The following UBE2G1 variants were observed in gnomAD, a reference collection of about 807,000 sequenced individuals.
The protein encoded by UBE2G1 is ubiquitin-conjugating enzyme E2 G1.
Under a neutral mutation model 22.7 loss-of-function variants are expected in UBE2G1, and 5 were observed. The observed-to-expected ratio is 0.22, with a 90% CI of 0.12 to 0.46. The LOEUF is 0.46. UBE2G1 is among the 20% of genes least tolerant of loss of function. The pLI, the probability that UBE2G1 is intolerant of heterozygous loss-of-function variation, is 0.99. For synonymous variants in UBE2G1, 74 were observed against 67.5 expected (o/e 1.10, Z -0.47); for missense variants, 88 against 203.9 (o/e 0.43, Z 3.46).
At chr17:4,279,313 G>A (rs1397062314) in intron 5 of UBE2G1, among the ~76,000 whole-genome samples, 1 of 150,352 alleles carries the variant, frequency 6.7e-6, no homozygotes, top group East Asian at 1.9e-4. Context: ...AGATCAACAC[G>A]TACTGGCTGA....
At chr17:4,330,770 A>T (rs1305374052) in intron 1 of UBE2G1, among the ~76,000 whole-genome samples, 2 of 151,606 alleles carry the variant, frequency 1.3e-5, no homozygotes, top group African/African-American at 4.8e-5. Context: ...TTATTTATTT[A>T]TTAATTAGAG....
intron 1 of UBE2G1, among the ~76,000 whole-genome samples, chr17:4,353,014 C>T (rs1370029309): frequency 3.9e-5 from 6 of 152,066 alleles, no homozygotes; most frequent in East Asian, 1.9e-4. Context: ...GTCAGGAGAT[C>T]GAGACCATCC....
intron 2 of UBE2G1, among the ~76,000 whole-genome samples, chr17:4,305,821 C>T (rs1202399293): frequency 6.6e-6 from 1 of 152,172 alleles, no homozygotes; most frequent in Admixed American, 6.5e-5. Context: ...GGATTACAGG[C>T]GTGAGCCAAC....
At chr17:4,273,989 C>T (rs938372205) in intron 5 of UBE2G1, among the ~76,000 whole-genome samples, 1 of 151,838 alleles carries the variant, frequency 6.6e-6, no homozygotes, top group Non-Finnish European at 1.5e-5. Flanking sequence ...TATGAACTTA[C>T]CAATTTTTTT....
At chr17:4,330,976 CCACACACA>C (rs57051928) in intron 1 of UBE2G1, among the ~76,000 whole-genome samples, 28 of 143,666 alleles carry the variant, frequency 1.9e-4, no homozygotes, top group Admixed American at 1.3e-3. Flanking sequence ...ACCTTTAAAA[CCACACACA>C]CACACACACA....
intron 1 of UBE2G1, among the ~76,000 whole-genome samples, chr17:4,327,431 C>A (rs942241866): frequency 3.9e-5 from 6 of 152,112 alleles, no homozygotes; most frequent in African/African-American, 1.4e-4. Flanking sequence ...AAGATCACAC[C>A]ACTGCACCCC....
At chr17:4,339,438 G>A (rs1402624223) in intron 1 of UBE2G1, among the ~76,000 whole-genome samples, 3 of 151,960 alleles carry the variant, frequency 2.0e-5, no homozygotes, top group African/African-American at 7.2e-5. Flanking sequence ...CCAAGTAGCT[G>A]GGATTACAGG....
intron 1 of UBE2G1, among the ~76,000 whole-genome samples, chr17:4,365,958 T>C (rs973462678): frequency 1.3e-5 from 2 of 151,626 alleles, no homozygotes; most frequent in East Asian, 2.0e-4. Flanking sequence ...GGCCCCGGCC[T>C]GGGGACCCGC....
chr17:4,363,684 G>A lies in UBE2G1; in HGVS notation c.46+2587C>T, dbSNP rs1416768489. Among the ~76,000 whole-genome samples, 4 of 152,060 alleles carry A rather than the reference G, an allele frequency of 2.6e-5. No individual in the cohort carries two copies. In the East Asian group the frequency reaches 7.7e-4, roughly 29 times the overall value. On this transcript the variant is annotated intron_variant, in intron 1 of 5. Coordinates refer to ENST00000396981, the MANE Select transcript of UBE2G1 (RefSeq NM_003342.5). ...AGAATTCAGAGAGGCCGGGCCCGGT[G>A]GCTCACGTCTGTAATCCCAGCACTT...
At chr17:4,322,399 A>C (rs553287574) in intron 1 of UBE2G1, among the ~76,000 whole-genome samples, 1 of 152,314 alleles carries the variant, frequency 6.6e-6, no homozygotes, top group African/African-American at 2.4e-5. Context: ...ACTCCTCCTC[A>C]AACTCTTCCC....
chr17:4,279,728 T>A lies in UBE2G1; in HGVS notation c.*37+3070A>T, dbSNP rs535828126. ...AGACGGAGATTGCAGTGAGCCGAGA[T>A]TGCACCACTGCAATCCAGCCCGAGC... is the stretch of plus-strand genomic sequence containing the variant. On this transcript the variant is annotated intron_variant, in intron 5 of 5. Transcript: ENST00000396981. 2.3e-5 allele frequency among the ~76,000 whole-genome samples: 3 copies of A among 128,478 alleles called. No homozygotes were observed. The Admixed American group carries it at 2.4e-4, about 10-fold the overall frequency. 84.3% of individuals were successfully genotyped at this position (128,478 alleles called of 152,430 possible).
chr17:4,273,236 T>G (rs1466830638), intron 5 of UBE2G1, among the ~76,000 whole-genome samples: 1 of 152,222 alleles, frequency 6.6e-6, no homozygotes, highest in African/African-American at 2.4e-5. Context: ...TCCTGAATGC[T>G]CACAATCATC....
intron 5 of UBE2G1, among the ~76,000 whole-genome samples, chr17:4,277,238 T>C (rs1055212925): frequency 6.6e-6 from 1 of 152,200 alleles, no homozygotes; most frequent in South Asian, 2.1e-4. Context: ...TGCACCCCAG[T>C]TGAGTCAACA....
chr17:4,350,428 C>G (rs934864243), intron 1 of UBE2G1, among the ~76,000 whole-genome samples: 3 of 151,966 alleles, frequency 2.0e-5, no homozygotes, highest in African/African-American at 7.3e-5. Context: ...CACTGCACTC[C>G]AGCCTGGGCA....
intron 1 of UBE2G1, among the ~76,000 whole-genome samples, chr17:4,336,503 A>G (rs1969648997): frequency 6.6e-6 from 1 of 152,120 alleles, no homozygotes; most frequent in South Asian, 2.1e-4. Context: ...AACTATATAT[A>G]CCAAAATTTT....
chr17:4,273,893 G>A (rs956467852), intron 5 of UBE2G1, among the ~76,000 whole-genome samples: 1 of 152,128 alleles, frequency 6.6e-6, no homozygotes, highest in African/African-American at 2.4e-5. Context: ...ATTCCTCACA[G>A]AGAAGCCAAA....
chr17:4,302,403 G>T (rs931834889), intron 2 of UBE2G1: 2 of 504,914 alleles, frequency 4.0e-6, no homozygotes, highest in Non-Finnish European at 4.1e-6. Context: ...CCTATTCATC[G>T]CTTGCCTGTG....
Position 4,270,616 on chromosome 17 carries a change from T to G in UBE2G1, c.*1938A>C, listed in dbSNP as rs1350872255. Reference sequence around the variant, plus strand: ...CCCTGGAGGGTGTGCAGTGCTGACATTTTGGGGCAACTATTTTTACAGTCT... The same window carrying G: ...CCCTGGAGGGTGTGCAGTGCTGACAGTTTGGGGCAACTATTTTTACAGTCT... On this transcript the variant is annotated 3_prime_UTR_variant, in exon 6 of 6. Transcript: ENST00000396981. 8.7e-5 allele frequency: 13 copies of G among 149,028 alleles called. No individual in the cohort carries two copies. 9.2% of individuals were successfully genotyped at this position (149,028 alleles called of 1,614,324 possible). A position where few individuals can be genotyped will look rare whatever the true frequency, so the allele number is the denominator to read the frequency against.
rs1968758786 is a variant in UBE2G1 at position 4,271,435 on chromosome 17, T to C, written c.*1119A>G. 6.6e-6 allele frequency: 1 copy of C among 152,540 alleles called. No homozygotes were observed. The highest frequency in any genetic ancestry group is 2.4e-5 in the African/African-American group (1 of 41,400). The allele number at this position is 152,540 out of a possible 1,614,324, so 9.4% of individuals were successfully genotyped here. On this transcript the variant is annotated 3_prime_UTR_variant, in exon 6 of 6. Coordinates refer to ENST00000396981, the MANE Select transcript of UBE2G1 (RefSeq NM_003342.5). ...TAAAAGCCAACAACTTGACAATTAT[T>C]GAAAAAAAATTATATTTTGGAAGAA...
Sources: allele counts gnomAD v4.1 joint callset (sites outside exome capture counted in the v4.1 genomes callset), GRCh38; gene constraint gnomAD v4.1.1; transcripts MANE v1.5; gene names NCBI Gene and HGNC (gene_info 2026-07-23, HGNC 2026-07-21).